KCNB2: variants seen among roughly 807,000 people sequenced by gnomAD.
The protein encoded by KCNB2 is delayed rectifier potassium channel protein.
In KCNB2, 15 loss-of-function variants were observed where a neutral mutation model predicts 61.5. That is an observed-to-expected ratio of 0.24 (90% CI 0.16 to 0.38). The LOEUF is 0.38. Ranked by LOEUF, KCNB2 falls within the 10% of genes least tolerant of loss-of-function variation. The pLI, the probability that KCNB2 is intolerant of heterozygous loss-of-function variation, is 1.00. For missense variants in KCNB2, 828 were observed against 1,125.2 expected, an observed-to-expected ratio of 0.74 and a Z score of 3.78; for synonymous variants, 457 against 446.0, an observed-to-expected ratio of 1.02 and a Z score of -0.31.
chr8:72,800,287 C>A (rs1809103310), intron 2 of KCNB2, among the ~76,000 whole-genome samples: 1 of 152,068 alleles, frequency 6.6e-6, no homozygotes. Context: ...TATAACTATC[C>A]TCCTTCAAGA....
chr8:72,893,416 C>T (rs1443206518), intron 2 of KCNB2, among the ~76,000 whole-genome samples: 1 of 152,020 alleles, frequency 6.6e-6, no homozygotes, highest in African/African-American at 2.4e-5. Flanking sequence ...ATTTGCATTT[C>T]TGGGACTTCT....
intron 2 of KCNB2, among the ~76,000 whole-genome samples, chr8:72,856,622 C>T (rs908572916): frequency 1.3e-5 from 2 of 152,122 alleles, no homozygotes; most frequent in Non-Finnish European, 2.9e-5. Context: ...AGTATTGTAT[C>T]ATTATTACCT....
intron 2 of KCNB2, among the ~76,000 whole-genome samples, chr8:72,610,359 G>T (rs2128983297): frequency 6.6e-6 from 1 of 152,242 alleles, no homozygotes; most frequent in Non-Finnish European, 1.5e-5. Context: ...GTTTAAAACA[G>T]AATCTAGACT....
At chr8:72,807,488 G>A (rs1397445230) in intron 2 of KCNB2, among the ~76,000 whole-genome samples, 2 of 152,124 alleles carry the variant, frequency 1.3e-5, no homozygotes, top group Admixed American at 6.5e-5. Context: ...GTAGACATTC[G>A]GAATGGCTCT....
rs1806654887 is a variant in KCNB2, at chr8:72,568,082, A to C, written c.348A>C (p.Ala116=). ...TCCATATGATGGAAGAAATGTGTGC[A>C]CTTTCGTTTGGCCAAGAACTTGATT... The part of the protein sequence containing the change: ...GKLHMMEEMC[A]LSFGQELDYW... The change falls in exon 2 of 3, where the codon GCA becomes GCC. Residue 116 remains alanine, a synonymous_variant. Transcript: ENST00000523207. The C allele has an allele frequency of 5.6e-6, 9 of 1,614,020 alleles. No homozygotes were observed. The highest frequency in any genetic ancestry group is 3.3e-5 in the Admixed American group (2 of 60,012).
chr8:72,937,945 A>G lies in KCNB2; in HGVS notation c.2590A>G (p.Arg864Gly). ...CCCGCAGGACACAGGTCACAACTGT[A>G]GGCAAGACATTTACCATGCTGTGAG... ...SSPQDTGHNC[R>G]QDIYHAVSEV... The change falls in exon 3 of 3, where the codon AGG becomes GGG. Residue 864 changes from arginine to glycine, a missense_variant. Arg to Gly is a moderately radical substitution (Grantham distance 125). Transcript: ENST00000523207. 1 of 1,614,150 alleles carries G rather than the reference A, an allele frequency of 6.2e-7. No homozygotes were observed. The highest frequency in any genetic ancestry group is 1.1e-5 in the South Asian group (1 of 91,068).
intron 2 of KCNB2, among the ~76,000 whole-genome samples, chr8:72,768,509 G>A (rs1585882109): frequency 6.6e-6 from 1 of 151,316 alleles, no homozygotes; most frequent in Non-Finnish European, 1.5e-5. Context: ...TTTTTTTTTG[G>A]TGCTGTATTA....
chr8:72,883,962 AATTGCAGCAC>A (rs1805760386), intron 2 of KCNB2, among the ~76,000 whole-genome samples: 2 of 152,180 alleles, frequency 1.3e-5, no homozygotes, highest in African/African-American at 2.4e-5. Flanking sequence ...TGCAAATCAC[AATTGCAGCAC>A]TTTTTTACCT....
intron 2 of KCNB2, among the ~76,000 whole-genome samples, chr8:72,819,681 T>C (rs1156499475): frequency 1.3e-5 from 2 of 152,186 alleles, no homozygotes; most frequent in Non-Finnish European, 2.9e-5. Context: ...AAGCCCTCAA[T>C]AAATACTAGC....
At chr8:72,665,041 A>C (rs997709254) in intron 2 of KCNB2, among the ~76,000 whole-genome samples, 1 of 152,156 alleles carries the variant, frequency 6.6e-6, no homozygotes, top group African/African-American at 2.4e-5. Context: ...GTGGGGAAGA[A>C]CATCTAGGCC....
intron 2 of KCNB2, among the ~76,000 whole-genome samples, chr8:72,657,412 A>G (rs1052243112): frequency 6.6e-6 from 1 of 152,194 alleles, no homozygotes; most frequent in Non-Finnish European, 1.5e-5. Context: ...AGCCCTAGTT[A>G]CACAAAAATA....
Position 72,937,134 on chromosome 8 carries a change from C to A in KCNB2, c.1779C>A (p.Val593=). ...AGCTGGCCGTGGCACAGACCGAGGTCATTGTGGACATGAAGAGCACCTCCA... is the reference window on the plus strand; with the variant it reads ...AGCTGGCCGTGGCACAGACCGAGGTAATTGTGGACATGAAGAGCACCTCCA... ...QEQLAVAQTE[V]IVDMKSTSSI... The change falls in exon 3 of 3, where the codon GTC becomes GTA. Residue 593 remains valine (V), a synonymous_variant. Coordinates refer to ENST00000523207, the MANE Select transcript of KCNB2 (RefSeq NM_004770.3). 1 of 1,614,126 alleles carries A rather than the reference C, an allele frequency of 6.2e-7. No homozygotes were observed. The highest frequency in any genetic ancestry group is 8.5e-7 in the Non-Finnish European group (1 of 1,180,022).
intron 2 of KCNB2, among the ~76,000 whole-genome samples, chr8:72,582,768 A>G (rs1353769102): frequency 6.6e-6 from 1 of 151,994 alleles, no homozygotes; most frequent in African/African-American, 2.4e-5. Flanking sequence ...GAGCACCACC[A>G]CACCCAACTA....
intron 2 of KCNB2, among the ~76,000 whole-genome samples, chr8:72,801,127 C>A (rs1809118756): frequency 6.6e-6 from 1 of 152,188 alleles, no homozygotes; most frequent in African/African-American, 2.4e-5. Flanking sequence ...CCCTGTTAGA[C>A]CTTGAGAGGA....
intron 2 of KCNB2, among the ~76,000 whole-genome samples, chr8:72,689,418 A>T (rs73307895): frequency 6.6e-6 from 1 of 152,338 alleles, no homozygotes; most frequent in South Asian, 2.1e-4. Context: ...TTTACAAATC[A>T]TAAAATTCAC....
intron 2 of KCNB2, among the ~76,000 whole-genome samples, chr8:72,718,670 G>C (rs1807491334): frequency 6.8e-6 from 1 of 147,744 alleles, no homozygotes; most frequent in South Asian, 2.3e-4. Flanking sequence ...GTTGTGGGGT[G>C]GGGGAGGGGG....
chr8:72,798,316 C>A (rs903467067), intron 2 of KCNB2, among the ~76,000 whole-genome samples: 1 of 152,176 alleles, frequency 6.6e-6, no homozygotes, highest in Admixed American at 6.6e-5. Context: ...CCAAAACAAA[C>A]ATGCAATTCT....
chr8:72,584,680 T>C (rs1158482156), intron 2 of KCNB2, among the ~76,000 whole-genome samples: 1 of 152,184 alleles, frequency 6.6e-6, no homozygotes. Context: ...CAAATATCTT[T>C]GTAATTTTGA....
chr8:72,919,251 T>C (rs139592821), intron 2 of KCNB2, among the ~76,000 whole-genome samples: 2 of 152,190 alleles, frequency 1.3e-5, no homozygotes, highest in Non-Finnish European at 2.9e-5. Context: ...TCCACCTGGT[T>C]CGTGGCCGAA....
Sources: allele counts gnomAD v4.1 joint callset (sites outside exome capture counted in the v4.1 genomes callset), GRCh38; gene constraint gnomAD v4.1.1; transcripts MANE v1.5; gene names NCBI Gene and HGNC (gene_info 2026-07-23, HGNC 2026-07-21).